KCNN2: variants seen among roughly 807,000 people sequenced by gnomAD.
KCNN2 encodes the protein potassium calcium-activated channel subfamily N member 2.
A neutral mutation model predicts 55.5 loss-of-function variants in KCNN2; 24 were observed. The observed-to-expected ratio is 0.43, with a 90% CI of 0.31 to 0.61. The LOEUF is 0.61. Ranked by LOEUF, KCNN2 falls within the 20% of genes least tolerant of loss-of-function variation. KCNN2 has a pLI of 0.08. For missense variants in KCNN2, 754 were observed against 853.6 expected, an observed-to-expected ratio of 0.88 and a Z score of 1.45; for synonymous variants, 431 against 336.1, an observed-to-expected ratio of 1.28 and a Z score of -3.09.
chr5:114,376,024 C>CT (rs1432958720), intron 2 of KCNN2, among the ~76,000 whole-genome samples: 1 of 135,052 alleles, frequency 7.4e-6, no homozygotes, highest in Non-Finnish European at 1.6e-5. Context: ...CTCTTTTAAC[C>CT]TTTTTGACAA....
intron 2 of KCNN2, among the ~76,000 whole-genome samples, chr5:114,324,971 G>T (rs1359102003): frequency 6.6e-6 from 1 of 152,214 alleles, no homozygotes; most frequent in Non-Finnish European, 1.5e-5. Flanking sequence ...TAAAAATATG[G>T]ATGTTAAAAG....
At chr5:114,204,347 A>G (rs1753728748) in intron 1 of KCNN2, among the ~76,000 whole-genome samples, 1 of 152,230 alleles carries the variant, frequency 6.6e-6, no homozygotes. Flanking sequence ...TCACTTTTCC[A>G]GCTACTGAAG....
At position 114,495,906 on chromosome 5, in the gene KCNN2, C is replaced by T; in HGVS notation, c.2100C>T (p.Ile700=). Residue 700 remains isoleucine, a synonymous_variant, in exon 8 of 8, where the codon ATC becomes ATT. Transcript: ENST00000673685. The part of the protein sequence containing the change: ...TLVDLAKTQN[I]MYDMISDLNE... The stretch of plus-strand genomic sequence containing the variant: ...ATCCTGTTTTTCAGACCCAGAACAT[C>T]ATGTATGATATGATTTCTGACTTAA... 1 of 1,613,268 alleles carries T rather than the reference C, an allele frequency of 6.2e-7. No individual in the cohort carries two copies. Among genetic ancestry groups the T allele is most frequent in the Non-Finnish European group, 8.5e-7 (1 of 1,179,416 alleles).
chr5:114,205,229 T>C (rs1033026873), intron 1 of KCNN2, among the ~76,000 whole-genome samples: 1 of 152,210 alleles, frequency 6.6e-6, no homozygotes, highest in Non-Finnish European at 1.5e-5. Context: ...TTCCATCTTA[T>C]AAAAAATATT....
intron 3 of KCNN2, among the ~76,000 whole-genome samples, chr5:114,453,028 G>A (rs780491452): frequency 4.6e-5 from 7 of 152,248 alleles, no homozygotes; most frequent in South Asian, 2.1e-4. Flanking sequence ...TGGTGGACAC[G>A]GCAATATCAG....
At chr5:114,394,463 A>G (rs1285466983) in intron 2 of KCNN2, among the ~76,000 whole-genome samples, 1 of 152,154 alleles carries the variant, frequency 6.6e-6, no homozygotes, top group Non-Finnish European at 1.5e-5. Context: ...AGTTTTAGTT[A>G]ATTGCAGAAA....
intron 2 of KCNN2, among the ~76,000 whole-genome samples, chr5:114,224,923 A>G (rs1354866688): frequency 6.6e-6 from 1 of 152,142 alleles, no homozygotes; most frequent in Admixed American, 6.6e-5. Flanking sequence ...TGAGTTTCTT[A>G]TAGATTCTAG....
At chr5:114,348,173 C>T (rs1027702485) in intron 2 of KCNN2, among the ~76,000 whole-genome samples, 1 of 150,896 alleles carries the variant, frequency 6.6e-6, no homozygotes, top group East Asian at 2.0e-4. Flanking sequence ...CTACAAAAGG[C>T]TCGGTCTCAT....
intron 4 of KCNN2, among the ~76,000 whole-genome samples, chr5:114,464,327 C>CAAAG (rs1382189827): frequency 2.0e-5 from 3 of 152,206 alleles, no homozygotes; most frequent in African/African-American, 7.2e-5. Context: ...TTGCTTACAG[C>CAAAG]AAAGAGTGTC....
At chr5:114,486,611 C>A in intron 5 of KCNN2, 2 of 526,884 alleles carry the variant, frequency 3.8e-6, no homozygotes, top group South Asian at 3.5e-5. Flanking sequence ...GAAACATGCC[C>A]TTCCAGTAGT....
chr5:114,422,082 G>T (rs527637435), intron 3 of KCNN2, among the ~76,000 whole-genome samples: 2 of 152,280 alleles, frequency 1.3e-5, no homozygotes, highest in African/African-American at 4.8e-5. Context: ...CTGCTAATTA[G>T]TTTTTTCCAA....
At chr5:114,492,412 T>C (rs1747904329) in intron 6 of KCNN2, among the ~76,000 whole-genome samples, 1 of 152,194 alleles carries the variant, frequency 6.6e-6, no homozygotes, top group Non-Finnish European at 1.5e-5. Flanking sequence ...TTGTTTGTTT[T>C]CATTAAATAG....
intron 1 of KCNN2, among the ~76,000 whole-genome samples, chr5:114,197,894 G>A (rs753738874): frequency 1.3e-5 from 2 of 152,096 alleles, no homozygotes; most frequent in Non-Finnish European, 2.9e-5. Flanking sequence ...ATATTTAATA[G>A]GTTTCCTTGA....
chr5:114,384,815 G>A (rs1758226767), intron 2 of KCNN2, among the ~76,000 whole-genome samples: 1 of 152,144 alleles, frequency 6.6e-6, no homozygotes, highest in Non-Finnish European at 1.5e-5. Context: ...GATTCATCCA[G>A]TCTGCCATGA....
At chr5:114,108,298 T>G (rs1751528756) in intron 1 of KCNN2, among the ~76,000 whole-genome samples, 1 of 152,070 alleles carries the variant, frequency 6.6e-6, no homozygotes, top group Non-Finnish European at 1.5e-5. Context: ...ATCTGTTTCC[T>G]CGTCATAAAA....
At chr5:114,307,046 T>C (rs1478114536) in intron 2 of KCNN2, among the ~76,000 whole-genome samples, 1 of 152,216 alleles carries the variant, frequency 6.6e-6, no homozygotes, top group Non-Finnish European at 1.5e-5. Context: ...GTTCCCCTAG[T>C]ATCAGTGTTA....
At chr5:114,352,899 G>T (rs1757235192) in intron 2 of KCNN2, among the ~76,000 whole-genome samples, 2 of 151,792 alleles carry the variant, frequency 1.3e-5, no homozygotes, top group South Asian at 4.1e-4. Flanking sequence ...TGTCTGTGAG[G>T]TACAGTTGGT....
At chr5:114,074,308 G>GTA (rs201997710) in intron 1 of KCNN2, among the ~76,000 whole-genome samples, 5,432 of 146,628 alleles carry the variant, frequency 0.037, 124 homozygotes, top group Middle Eastern at 0.083. Flanking sequence ...GTGTGTGTGT[G>GTA]TGTGTGTGTG....
rs371874590 is a variant in KCNN2 at position 114,090,295 on chromosome 5, A to T, written c.-271+33795A>T. Among the ~76,000 whole-genome samples, 8 of 152,260 alleles carry T rather than the reference A, an allele frequency of 5.3e-5. No homozygotes were observed. In the East Asian group the frequency reaches 1.2e-3, roughly 22 times the overall value. The stretch of plus-strand genomic sequence containing the variant: ...AAATTAGGATATACTGATTCTTTTA[A>T]GGTATCTTCTGTGGCACACTCAAGA... On this transcript the variant is annotated intron_variant, in intron 1 of 10. Coordinates refer to the KCNN2 transcript ENST00000512097.
Sources: gnomAD v4.1 joint callset for allele counts (sites outside exome capture counted in the v4.1 genomes callset) on GRCh38, gnomAD v4.1.1 for gene constraint, MANE v1.5 for transcripts, NCBI Gene and HGNC (gene_info 2026-07-23, HGNC 2026-07-21) for gene names.